The following EBF2 variants were observed in gnomAD, a reference collection of about 807,000 sequenced individuals.
EBF2 encodes EBF transcription factor 2.
EBF2 carries 21 observed loss-of-function variants against 72.8 expected under a neutral mutation model. That is an observed-to-expected ratio of 0.29 (90% CI 0.20 to 0.42). The LOEUF (loss-of-function observed/expected upper bound fraction) is 0.42. Ranked by LOEUF, EBF2 falls within the 10% of genes least tolerant of loss-of-function variation. EBF2 has a pLI of 1.00. For missense variants in EBF2, 637 were observed against 731.2 expected, an observed-to-expected ratio of 0.87 and a Z score of 1.49; for synonymous variants, 299 against 274.2, an observed-to-expected ratio of 1.09 and a Z score of -0.89.
intron 15 of EBF2, among the ~76,000 whole-genome samples, chr8:25,849,862 C>T (rs1801923429): frequency 6.6e-6 from 1 of 152,152 alleles, no homozygotes; most frequent in African/African-American, 2.4e-5. Context: ...ATTCTCAGAA[C>T]TTGTTGGTTG....
rs1368630714 is a variant in EBF2 at position 25,843,381 on chromosome 8, T to C, written c.*1228A>G. ...GACTTGGATGTTCTAAGACTGACTCTAAAGAGTCCATCAAACAGAGTTATC... is the reference window on the plus strand; with the variant it reads ...GACTTGGATGTTCTAAGACTGACTCCAAAGAGTCCATCAAACAGAGTTATC... On this transcript the variant is annotated 3_prime_UTR_variant, in exon 16 of 16. Coordinates refer to ENST00000520164, the MANE Select transcript of EBF2 (RefSeq NM_022659.4). 1 of 152,254 alleles carries C rather than the reference T, an allele frequency of 6.6e-6. No homozygotes were observed. The highest frequency in any genetic ancestry group is 1.5e-5 in the Non-Finnish European group (1 of 68,084). 9.4% of individuals were successfully genotyped at this position (152,254 alleles called of 1,614,324 possible).
intron 6 of EBF2, among the ~76,000 whole-genome samples, chr8:25,927,600 G>T (rs181688239): frequency 6.6e-6 from 1 of 152,044 alleles, no homozygotes; most frequent in Admixed American, 6.5e-5. Context: ...GGCAACTCCT[G>T]CTGGAGTTCC....
intron 10 of EBF2, among the ~76,000 whole-genome samples, chr8:25,879,310 T>C (rs1396718166): frequency 2.6e-5 from 4 of 152,164 alleles, no homozygotes; most frequent in Non-Finnish European, 5.9e-5. Context: ...GTTTAATGAA[T>C]CCCCTAATGT....
At chr8:25,883,415 CTTT>C (rs34634008) in intron 10 of EBF2, among the ~76,000 whole-genome samples, 21 of 146,332 alleles carry the variant, frequency 1.4e-4, no homozygotes, top group African/African-American at 1.8e-4. Context: ...AGCCATCTCC[CTTT>C]TTTTTTTTTT....
intron 6 of EBF2, among the ~76,000 whole-genome samples, chr8:26,004,902 G>C (rs1049082864): frequency 6.6e-6 from 1 of 151,708 alleles, no homozygotes; most frequent in Non-Finnish European, 1.5e-5. Context: ...CCATAAAATA[G>C]AGTCTATTCC....
In EBF2 at chr8:25,855,261, T is replaced by G. The variant is rs4612353; in HGVS notation, c.1528+3058A>C. ...CCTTTGCATCAAGCCAGTGCATTTT[T>G]TGGAGCTAAGGGGTCTGTCAGCATT... On this transcript the variant is annotated intron_variant, in intron 14 of 15. Coordinates refer to ENST00000520164, the MANE Select transcript of EBF2 (RefSeq NM_022659.4). 5.0e-3 allele frequency among the ~76,000 whole-genome samples: 761 copies of G among 152,288 alleles called. 7 individuals carry two copies. Among genetic ancestry groups the G allele is most frequent in the African/African-American group, 0.017 (726 of 41,564 alleles).
Position 25,850,664 on chromosome 8 carries a change from A to G in EBF2, c.1626T>C (p.Phe542=). ...AGCCTTGGGGCCTGATGACAGGGGC[A>G]AAGGCACTCTTCTGTTTGACAGCAG... ...VFPAVKQKSA[F]APVIRPQGSP... Residue 542 remains phenylalanine (F), a synonymous_variant, in exon 15 of 16, where the codon TTT becomes TTC. Coordinates refer to ENST00000520164, the MANE Select transcript of EBF2 (RefSeq NM_022659.4). 1 of 1,563,832 alleles carries G rather than the reference A, an allele frequency of 6.4e-7. No homozygotes were observed. The highest frequency in any genetic ancestry group is 8.6e-7 in the Non-Finnish European group (1 of 1,163,262).
At chr8:25,874,387 T>C (rs1007450407) in intron 10 of EBF2, among the ~76,000 whole-genome samples, 1 of 151,676 alleles carries the variant, frequency 6.6e-6, no homozygotes, top group African/African-American at 2.4e-5. Flanking sequence ...TGTCGATGAA[T>C]ACTTTCTCCC....
chr8:25,894,177 T>C (rs1802828918), intron 7 of EBF2, among the ~76,000 whole-genome samples: 1 of 152,248 alleles, frequency 6.6e-6, no homozygotes, highest in Admixed American at 6.5e-5. Context: ...TGGTTATTTC[T>C]ATACATAGAG....
At chr8:26,009,646 C>T (rs1167425227) in intron 6 of EBF2, among the ~76,000 whole-genome samples, 4 of 152,172 alleles carry the variant, frequency 2.6e-5, no homozygotes, top group African/African-American at 7.2e-5. Context: ...TCTTGGCAAA[C>T]GGCATCCGTG....
chr8:26,011,903 C>T (rs1444136937), intron 6 of EBF2, among the ~76,000 whole-genome samples: 1 of 151,980 alleles, frequency 6.6e-6, no homozygotes, highest in Non-Finnish European at 1.5e-5. Context: ...CCCGGGCAAG[C>T]GTCCCCTCCT....
chr8:25,852,682 G>C (rs955209193), intron 14 of EBF2, among the ~76,000 whole-genome samples: 5 of 152,212 alleles, frequency 3.3e-5, no homozygotes, highest in South Asian at 2.1e-4. Flanking sequence ...TTGTTGCAGA[G>C]TTGAGCAAGT....
rs145939707 is a variant in EBF2, at chr8:25,985,045, G to T, written c.551+48040C>A. On this transcript the variant is annotated intron_variant, in intron 6 of 15. Coordinates refer to ENST00000520164, the MANE Select transcript of EBF2 (RefSeq NM_022659.4). ...AAACTCTGCTCTTAAGGGAGACAGGGGGATTGTTTTATATTTGAAAAGTGA... is the reference window on the plus strand; with the variant it reads ...AAACTCTGCTCTTAAGGGAGACAGGTGGATTGTTTTATATTTGAAAAGTGA... 7.9e-4 allele frequency among the ~76,000 whole-genome samples: 121 copies of T among 152,280 alleles called. 1 individual carries two copies. The highest frequency in any genetic ancestry group is 2.8e-3 in the African/African-American group (115 of 41,550).
At chr8:25,888,648 A>T (rs1005505412) in intron 8 of EBF2, among the ~76,000 whole-genome samples, 2 of 152,170 alleles carry the variant, frequency 1.3e-5, no homozygotes, top group Admixed American at 1.3e-4. Flanking sequence ...GACAATTTCT[A>T]ATCACTCTAC....
chr8:26,018,532 G>A lies in EBF2; in HGVS notation c.551+14553C>T, dbSNP rs1021258853. ...AAAAAAAAAAAAAAATTAGCCGGGC[G>A]TGGTGTCAGGCGTCTATAGTCCCAG... On this transcript the variant is annotated intron_variant, in intron 6 of 15. Coordinates refer to ENST00000520164, the MANE Select transcript of EBF2 (RefSeq NM_022659.4). 4.0e-5 allele frequency among the ~76,000 whole-genome samples: 6 copies of A among 150,000 alleles called. 1 individual carries two copies. Among genetic ancestry groups the A allele is most frequent in the South Asian group, 2.1e-4 (1 of 4,736 alleles).
At chr8:26,008,907 G>A (rs963710157) in intron 6 of EBF2, among the ~76,000 whole-genome samples, 6 of 150,140 alleles carry the variant, frequency 4.0e-5, no homozygotes, top group Admixed American at 2.6e-4. Context: ...CTATGTGTGT[G>A]TAAAATTGTA....
chr8:25,852,663 G>A (rs922074751), intron 14 of EBF2, among the ~76,000 whole-genome samples: 4 of 152,184 alleles, frequency 2.6e-5, no homozygotes, highest in Admixed American at 2.6e-4. Flanking sequence ...ACTAAGTGAC[G>A]TGAAGGAATT....
Position 26,042,161 on chromosome 8 carries a change from A to T in EBF2, c.222T>A (p.Tyr74Ter). 1 of 1,614,192 alleles carries T rather than the reference A, an allele frequency of 6.2e-7. No homozygotes were observed. ...SNFFHFVLAL[Y>*]DRQGQPVEIE... ...TCTCCACCGGCTGGCCCTGCCTGTCATAGAGCGCCAGGACGAAGTGAAAGA... is the reference window on the plus strand; with the variant it reads ...TCTCCACCGGCTGGCCCTGCCTGTCTTAGAGCGCCAGGACGAAGTGAAAGA... Residue 74 changes from tyrosine to a stop codon, truncating the protein, a stop_gained, in exon 2 of 16, where the codon TAT becomes TAA. Transcript: ENST00000520164. LOFTEE classifies it high-confidence loss of function.
intron 14 of EBF2, among the ~76,000 whole-genome samples, chr8:25,854,093 A>T (rs1802036569): frequency 6.6e-6 from 1 of 152,170 alleles, no homozygotes; most frequent in Non-Finnish European, 1.5e-5. Flanking sequence ...AAAATGGAAA[A>T]TCTCGATTTC....
Sources: gnomAD v4.1 joint callset for allele counts (sites outside exome capture counted in the v4.1 genomes callset) on GRCh38, gnomAD v4.1.1 for gene constraint, MANE v1.5 for transcripts, NCBI Gene and HGNC (gene_info 2026-07-23, HGNC 2026-07-21) for gene names.